CA10: variants seen among roughly 807,000 people sequenced by gnomAD.
CA10 encodes the protein carbonic anhydrase 10 (inactive), also known as carbonic anhydrase-related protein 10.
In CA10, 14 loss-of-function variants were observed where a neutral mutation model predicts 44.2. The observed-to-expected ratio is 0.32, with a 90% CI of 0.21 to 0.50. The LOEUF (loss-of-function observed/expected upper bound fraction) is 0.50, where lower values mean the gene tolerates loss of function less well. CA10 is among the 20% of genes least tolerant of loss of function. CA10 has a pLI of 0.99. For missense variants in CA10, 350 were observed against 409.7 expected, an observed-to-expected ratio of 0.85 and a Z score of 1.26; for synonymous variants, 159 against 141.6, an observed-to-expected ratio of 1.12 and a Z score of -0.87.
intron 3 of CA10, among the ~76,000 whole-genome samples, chr17:51,802,293 C>T (rs1047013060): frequency 6.6e-6 from 1 of 152,114 alleles, no homozygotes; most frequent in African/African-American, 2.4e-5. Context: ...TTCTGTTTTT[C>T]ATCACATGAT....
intron 3 of CA10, among the ~76,000 whole-genome samples, chr17:51,895,334 G>T (rs1598105112): frequency 6.6e-6 from 1 of 152,000 alleles, no homozygotes; most frequent in African/African-American, 2.4e-5. Context: ...CCTGTAAAAA[G>T]TTAAAGAAGT....
At chr17:52,108,821 G>C (rs575559993) in intron 1 of CA10, among the ~76,000 whole-genome samples, 2 of 151,722 alleles carry the variant, frequency 1.3e-5, no homozygotes, top group South Asian at 2.1e-4. Flanking sequence ...ATACTGCTCA[G>C]TGATGGGTTC....
intron 2 of CA10, among the ~76,000 whole-genome samples, chr17:51,934,872 C>G (rs1982802622): frequency 6.6e-6 from 1 of 152,042 alleles, no homozygotes; most frequent in South Asian, 2.1e-4. Context: ...CCGAATGGAC[C>G]AGACTAGGTC....
intron 3 of CA10, among the ~76,000 whole-genome samples, chr17:51,782,538 A>G (rs549040229): frequency 6.1e-4 from 93 of 152,342 alleles, no homozygotes; most frequent in African/African-American, 2.2e-3. Flanking sequence ...CTGATAAGAA[A>G]AGGCCAAGCT....
At chr17:51,724,998 A>G (rs1352365712) in intron 4 of CA10, among the ~76,000 whole-genome samples, 1 of 152,214 alleles carries the variant, frequency 6.6e-6, no homozygotes, top group African/African-American at 2.4e-5. Flanking sequence ...AACAGTCACC[A>G]TATGCATTCC....
intron 2 of CA10, among the ~76,000 whole-genome samples, chr17:51,971,924 T>A (rs1360830285): frequency 6.6e-6 from 1 of 152,056 alleles, no homozygotes; most frequent in Non-Finnish European, 1.5e-5. Context: ...ATTATTCCTG[T>A]ATTCTACCAA....
intron 1 of CA10, among the ~76,000 whole-genome samples, chr17:52,114,639 C>A (rs59901948): frequency 0.14 from 20,635 of 152,148 alleles, 1,688 homozygotes; most frequent in East Asian, 0.41. Flanking sequence ...TAGAGGCAAC[C>A]TGCCTCCTTC....
At chr17:51,697,913 C>T (rs926317848) in intron 4 of CA10, among the ~76,000 whole-genome samples, 1 of 152,222 alleles carries the variant, frequency 6.6e-6, no homozygotes, top group African/African-American at 2.4e-5. Context: ...CAAACCTGCA[C>T]ATCTGCAGGT....
chr17:52,157,653 A>G (rs1452553883), intron 1 of CA10, 73 bp downstream of exon 1: 7 of 1,383,754 alleles, frequency 5.1e-6, no homozygotes, highest in Non-Finnish European at 7.2e-6. Context: ...GCGGCTATAT[A>G]CAATAAAACC....
chr17:51,821,015 C>T (rs918415867), intron 3 of CA10, among the ~76,000 whole-genome samples: 45 of 135,344 alleles, frequency 3.3e-4, no homozygotes, highest in Non-Finnish European at 1.5e-4. Context: ...CTCCCTCCCT[C>T]CCTTAATTCC....
chr17:51,809,442 AAAAACAG>A (rs1907271153), intron 3 of CA10, among the ~76,000 whole-genome samples: 1 of 152,244 alleles, frequency 6.6e-6, no homozygotes, highest in Admixed American at 6.5e-5. Flanking sequence ...AAGAGATGCA[AAAAACAG>A]ATTCAGAAAG....
chr17:52,040,130 T>C (rs970907171), intron 2 of CA10, among the ~76,000 whole-genome samples: 1 of 144,954 alleles, frequency 6.9e-6, no homozygotes, highest in African/African-American at 2.6e-5. Flanking sequence ...ATCCCCTTTT[T>C]CCTTTCTTTT....
At chr17:51,740,699 CAT>C (rs1904421168) in intron 4 of CA10, among the ~76,000 whole-genome samples, 1 of 152,218 alleles carries the variant, frequency 6.6e-6, no homozygotes, top group Non-Finnish European at 1.5e-5. Context: ...ATCACTCACA[CAT>C]GTGCTCATGC....
intron 3 of CA10, among the ~76,000 whole-genome samples, chr17:51,759,183 T>C (rs948787469): frequency 3.3e-5 from 5 of 152,044 alleles, no homozygotes. Flanking sequence ...AGTGAGTGGC[T>C]GGAGTCTTAT....
At chr17:51,962,615 T>C (rs1019023480) in intron 2 of CA10, among the ~76,000 whole-genome samples, 2 of 151,926 alleles carry the variant, frequency 1.3e-5, no homozygotes, top group Non-Finnish European at 2.9e-5. Context: ...GAACTCAATA[T>C]AAATTTACCA....
chr17:52,029,872 G>A (rs988851315), intron 2 of CA10, among the ~76,000 whole-genome samples: 17 of 152,038 alleles, frequency 1.1e-4, no homozygotes, highest in African/African-American at 3.4e-4. Context: ...CTAAAAAGTG[G>A]ATCTACTCTA....
At chr17:51,819,082 A>G (rs565056293) in intron 3 of CA10, among the ~76,000 whole-genome samples, 16 of 152,352 alleles carry the variant, frequency 1.1e-4, no homozygotes, top group African/African-American at 3.6e-4. Context: ...ATAAGCAACC[A>G]TGGCTATCTG....
At chr17:51,651,194 G>A (rs1254582407) in intron 5 of CA10, among the ~76,000 whole-genome samples, 1 of 152,194 alleles carries the variant, frequency 6.6e-6, no homozygotes, top group Non-Finnish European at 1.5e-5. Context: ...GGAAGGCAGA[G>A]AGTTCAGAAG....
intron 2 of CA10, among the ~76,000 whole-genome samples, chr17:52,067,424 C>G (rs1987566957): frequency 6.6e-6 from 1 of 152,218 alleles, no homozygotes; most frequent in Non-Finnish European, 1.5e-5. Context: ...AGGGAAACAC[C>G]TGAATGTCCA....
Sources: gnomAD v4.1 joint callset for allele counts (sites outside exome capture counted in the v4.1 genomes callset) on GRCh38, gnomAD v4.1.1 for gene constraint, MANE v1.5 for transcripts, NCBI Gene and HGNC (gene_info 2026-07-23, HGNC 2026-07-21) for gene names.